SAMD3: variants seen among roughly 807,000 people sequenced by gnomAD.
SAMD3 encodes the protein sterile alpha motif domain-containing protein 3.
In SAMD3, 63 loss-of-function variants were observed where a neutral mutation model predicts 58.5. That is an observed-to-expected ratio of 1.08 (90% CI 0.88 to 1.33). The LOEUF is 1.33. Ranked by LOEUF, SAMD3 falls within the 40% of genes most tolerant of loss-of-function variation. The pLI is 0.00. For synonymous variants in SAMD3, 220 were observed against 210.3 expected (o/e 1.05, Z -0.40); for missense variants, 604 against 608.4 (o/e 0.99, Z 0.08).
chr6:130,259,219 A>AT (rs1774025983), intron 2 of SAMD3, among the ~76,000 whole-genome samples: 1 of 152,142 alleles, frequency 6.6e-6, no homozygotes, highest in South Asian at 2.1e-4. Flanking sequence ...TGAGTAATTT[A>AT]TTTTTTAAAA....
intron 1 of SAMD3, among the ~76,000 whole-genome samples, chr6:130,333,718 C>T (rs923204279): frequency 2.6e-5 from 4 of 152,156 alleles, no homozygotes; most frequent in African/African-American, 9.7e-5. Context: ...TAGTTTTAGT[C>T]ATTAAGGCTG....
chr6:130,215,468 C>A, intron 2 of SAMD3, 174 bp from the exon 3 acceptor site: 1 of 1,331,064 alleles, frequency 7.5e-7, no homozygotes, highest in Non-Finnish European at 9.6e-7. Flanking sequence ...AAAACACACA[C>A]TCACTTTAAA....
chr6:130,154,769 T>G, intron 9 of SAMD3, 56 bp downstream of exon 9: 1 of 709,282 alleles, frequency 1.4e-6, no homozygotes, highest in Non-Finnish European at 2.2e-6. Flanking sequence ...TTAAAATATG[T>G]GTGTGTGTGT....
rs147426943 is a variant in SAMD3, at chr6:130,302,248, C to T, written c.-188+10730G>A. 7.1e-3 allele frequency among the ~76,000 whole-genome samples: 1,074 copies of T among 151,956 alleles called. 11 individuals are homozygous for T. The highest frequency in any genetic ancestry group is 0.017 in the Middle Eastern group (5 of 294). ...TCTATATGGAACTTAAACAAATAGC[C>T]CATTAAAAAGCAGGCAAAGGACATG... On this transcript the variant is annotated intron_variant, in intron 2 of 13. Coordinates refer to the SAMD3 transcript ENST00000368134.
At chr6:130,271,816 A>T (rs944262329) in intron 2 of SAMD3, among the ~76,000 whole-genome samples, 5 of 152,216 alleles carry the variant, frequency 3.3e-5, no homozygotes, top group Non-Finnish European at 7.4e-5. Flanking sequence ...GCTAACGAAC[A>T]TCTTACATGG....
chr6:130,365,337 C>T, exon 1 of SAMD3: 1 of 985,614 alleles, frequency 1.0e-6, no homozygotes, highest in Non-Finnish European at 1.2e-6. Flanking sequence ...TTCCCCCGCC[C>T]ATGGTTCTCG....
chr6:130,339,313 C>G (rs1455239950), intron 1 of SAMD3, among the ~76,000 whole-genome samples: 2 of 152,168 alleles, frequency 1.3e-5, no homozygotes, highest in African/African-American at 2.4e-5. Flanking sequence ...TCCCAAAGTG[C>G]TGGGATTACA....
chr6:130,204,143 C>T (rs1396607857), intron 5 of SAMD3, among the ~76,000 whole-genome samples: 1 of 152,122 alleles, frequency 6.6e-6, no homozygotes, highest in African/African-American at 2.4e-5. Flanking sequence ...AGCAAAACAT[C>T]TGGACACATA....
rs1418304330 is a variant in SAMD3 at position 130,144,818 on chromosome 6, T to C, written c.1279-14A>G. The C allele has an allele frequency of 1.2e-6, 2 of 1,602,698 alleles. No homozygotes were observed. Among genetic ancestry groups the C allele is most frequent in the Non-Finnish European group, 1.7e-6 (2 of 1,175,232 alleles). On this transcript the variant is annotated splice_polypyrimidine_tract_variant and intron_variant, in intron 11 of 11. Coordinates refer to ENST00000439090, the MANE Select transcript of SAMD3 (RefSeq NM_001017373.4). ...GGACACTTGCACCTGAAAAAAAGAGTGGAGTCATTACCATGATACGTAAAA... is the reference window on the plus strand; with the variant it reads ...GGACACTTGCACCTGAAAAAAAGAGCGGAGTCATTACCATGATACGTAAAA...
Position 130,277,714 on chromosome 6 carries a change from G to A in SAMD3, c.-188+35264C>T, listed in dbSNP as rs190564506. Among the ~76,000 whole-genome samples, 170 of 152,140 alleles carry A rather than the reference G, an allele frequency of 1.1e-3. 1 individual carries two copies. The highest frequency in any genetic ancestry group is 4.0e-3 in the African/African-American group (167 of 41,494). On this transcript the variant is annotated intron_variant, in intron 2 of 13. Coordinates refer to the SAMD3 transcript ENST00000368134. ...GAGGCACAGGCTTGGTTTATAATGT[G>A]GTAACAAGCAATCCTCTAATGTTAG...
At chr6:130,177,513 C>A (rs1791838023) in intron 7 of SAMD3, among the ~76,000 whole-genome samples, 1 of 152,160 alleles carries the variant, frequency 6.6e-6, no homozygotes, top group African/African-American at 2.4e-5. Flanking sequence ...TCTGTTCCCA[C>A]ACCTAGATGG....
At chr6:130,267,451 A>C (rs984995914) in intron 2 of SAMD3, among the ~76,000 whole-genome samples, 1 of 152,210 alleles carries the variant, frequency 6.6e-6, no homozygotes, top group African/African-American at 2.4e-5. Context: ...AAGTAGTGAA[A>C]ATAAGAGTGA....
At chr6:130,179,055 A>G (rs1792019093) in intron 7 of SAMD3, among the ~76,000 whole-genome samples, 1 of 152,224 alleles carries the variant, frequency 6.6e-6, no homozygotes, top group Admixed American at 6.5e-5. Context: ...TGTTTCCTGT[A>G]GCTCTGAAGG....
chr6:130,322,515 T>C (rs184584787), intron 1 of SAMD3, among the ~76,000 whole-genome samples: 8 of 152,282 alleles, frequency 5.3e-5, no homozygotes, highest in Admixed American at 2.6e-4. Context: ...CACACGCCTG[T>C]AATTCCAGCT....
intron 1 of SAMD3, among the ~76,000 whole-genome samples, chr6:130,338,482 C>T (rs565030070): frequency 6.6e-6 from 1 of 152,156 alleles, no homozygotes; most frequent in South Asian, 2.1e-4. Flanking sequence ...CTCCAGACCC[C>T]AGAGTGGAAG....
At chr6:130,362,734 G>T (rs1778023177) in intron 1 of SAMD3, among the ~76,000 whole-genome samples, 1 of 152,156 alleles carries the variant, frequency 6.6e-6, no homozygotes, top group Non-Finnish European at 1.5e-5. Context: ...AAATATTTAA[G>T]TAGTCGTATC....
chr6:130,166,802 T>C (rs1022630476), intron 8 of SAMD3, among the ~76,000 whole-genome samples: 4 of 152,162 alleles, frequency 2.6e-5, no homozygotes, highest in Admixed American at 2.0e-4. Flanking sequence ...TCCATGGAAA[T>C]GTAAATCACA....
intron 1 of SAMD3, among the ~76,000 whole-genome samples, chr6:130,217,622 A>G (rs544841300): frequency 6.6e-6 from 1 of 152,362 alleles, no homozygotes; most frequent in African/African-American, 2.4e-5. Flanking sequence ...ACAAAGGAAG[A>G]TAATAGGGTC....
Position 130,189,113 on chromosome 6 carries a change from A to AC in SAMD3, c.384-4491_384-4490insG, listed in dbSNP as rs1423084042. 2.0e-5 allele frequency among the ~76,000 whole-genome samples: 3 copies of AC among 151,900 alleles called. No homozygotes were observed. The East Asian group carries it at 5.8e-4, about 29-fold the overall frequency. On this transcript the variant is annotated intron_variant, in intron 5 of 11. Coordinates refer to ENST00000439090, the MANE Select transcript of SAMD3 (RefSeq NM_001017373.4). ...AATCTTTAAAAAAACCAAAAAAAAA[A>AC]AAAAACCAAAAAACAAAAACTAGGC... is the stretch of plus-strand genomic sequence containing the variant.
Sources: allele counts gnomAD v4.1 joint callset (sites outside exome capture counted in the v4.1 genomes callset), GRCh38; gene constraint gnomAD v4.1.1; transcripts MANE v1.5; gene names NCBI Gene and HGNC (gene_info 2026-07-23, HGNC 2026-07-21).